Variants in MVB12B observed in about 807,000 individuals in gnomAD.
MVB12B encodes ESCRT-I complex subunit MVB12B.
In MVB12B, 16 loss-of-function variants were observed where a neutral mutation model predicts 41.6. That is an observed-to-expected ratio of 0.38 (90% confidence interval 0.26 to 0.58). MVB12B has a LOEUF of 0.58. Ranked by LOEUF, MVB12B falls within the 20% of genes least tolerant of loss-of-function variation. The pLI is 0.62. For synonymous variants in MVB12B, 133 were observed against 139.7 expected (o/e 0.95, Z 0.34); for missense variants, 274 against 380.2 (o/e 0.72, Z 2.32).
chr9:126,487,529 G>A (rs1251421084), intron 9 of MVB12B, among the ~76,000 whole-genome samples: 1 of 152,228 alleles, frequency 6.6e-6, no homozygotes, highest in African/African-American at 2.4e-5. Flanking sequence ...GAAGGCTGAG[G>A]CAAGCAGATC....
chr9:126,363,090 G>T (rs1436344464), intron 2 of MVB12B, among the ~76,000 whole-genome samples: 3 of 152,058 alleles, frequency 2.0e-5, no homozygotes, highest in Non-Finnish European at 2.9e-5. Context: ...AGGAGGCTGA[G>T]GCAGGAGAGT....
chr9:126,445,687 G>T (rs557970736), intron 7 of MVB12B, among the ~76,000 whole-genome samples: 2 of 152,116 alleles, frequency 1.3e-5, no homozygotes, highest in East Asian at 1.9e-4. Flanking sequence ...AGAGATGGGG[G>T]TTCTCACTGT....
intron 7 of MVB12B, 68 bp downstream of exon 7, chr9:126,422,016 T>C: frequency 9.2e-7 from 1 of 1,089,702 alleles, no homozygotes; most frequent in Admixed American, 1.7e-5. Flanking sequence ...CTTCCACACG[T>C]TCTCTGTCTT....
intron 2 of MVB12B, among the ~76,000 whole-genome samples, chr9:126,363,020 C>T (rs1357727029): frequency 6.6e-6 from 1 of 152,062 alleles, no homozygotes; most frequent in Non-Finnish European, 1.5e-5. Flanking sequence ...AACCCCGTCT[C>T]TACTAAAAAT....
At chr9:126,375,180 A>G (rs1196284394) in intron 2 of MVB12B, among the ~76,000 whole-genome samples, 1 of 152,286 alleles carries the variant, frequency 6.6e-6, no homozygotes, top group East Asian at 1.9e-4. Flanking sequence ...CATAGATTAC[A>G]ATGCAGACAT....
At chr9:126,334,012 C>T (rs1829208261) in intron 1 of MVB12B, among the ~76,000 whole-genome samples, 1 of 152,212 alleles carries the variant, frequency 6.6e-6, no homozygotes, top group Non-Finnish European at 1.5e-5. Flanking sequence ...CTCAGGCCTA[C>T]TGCATCAGTA....
intron 2 of MVB12B, among the ~76,000 whole-genome samples, chr9:126,341,124 C>T (rs2118824587): frequency 6.6e-6 from 1 of 152,304 alleles, no homozygotes; most frequent in Non-Finnish European, 1.5e-5. Flanking sequence ...AACCCACGCT[C>T]TGAGAAGTCA....
At position 126,395,992 on chromosome 9, in the gene MVB12B, C is replaced by T; in HGVS notation, c.662+295C>T. 6.6e-6 allele frequency: 8 copies of T among 1,204,256 alleles called. No homozygotes were observed. The highest frequency in any genetic ancestry group is 3.1e-6 in the Non-Finnish European group (3 of 964,332). The allele number at this position is 1,204,256 out of a possible 1,614,324, so 74.6% of individuals were successfully genotyped here. A position where few individuals can be genotyped will look rare whatever the true frequency, so the allele number is the denominator to read the frequency against. ...AAAAGAGCTGCTAGCTACACACAGACACGTGCTGTATAGCCATGGGGTTGG... is the reference window on the plus strand; with the variant it reads ...AAAAGAGCTGCTAGCTACACACAGATACGTGCTGTATAGCCATGGGGTTGG... On this transcript the variant is annotated intron_variant, in intron 6 of 9. Coordinates refer to ENST00000361171, the MANE Select transcript of MVB12B (RefSeq NM_033446.3). The surrounding 1 kb of genome is among the most constrained non-coding windows in gnomAD (Gnocchi z 4.9).
intron 6 of MVB12B, among the ~76,000 whole-genome samples, chr9:126,411,676 A>G (rs1831655640): frequency 6.6e-6 from 1 of 152,252 alleles, no homozygotes; most frequent in African/African-American, 2.4e-5. Flanking sequence ...ACCGTGACAA[A>G]TGATAGTAAA....
intron 7 of MVB12B, 25 bp from the exon 8 acceptor site, chr9:126,481,344 C>T (rs568142326): frequency 1.2e-6 from 2 of 1,603,702 alleles, no homozygotes; most frequent in South Asian, 1.1e-5. Context: ...CCTTTAATGC[C>T]ATCTTTTTTT....
chr9:126,448,687 A>G (rs1436076857), intron 7 of MVB12B, among the ~76,000 whole-genome samples: 2 of 152,068 alleles, frequency 1.3e-5, no homozygotes, highest in African/African-American at 4.8e-5. Context: ...AGCAAGAGAA[A>G]GAGAAGGGGG....
chr9:126,405,711 C>G (rs1588144862), intron 6 of MVB12B, among the ~76,000 whole-genome samples: 1 of 149,710 alleles, frequency 6.7e-6, no homozygotes, highest in Non-Finnish European at 1.5e-5. Context: ...CTTGCAGTTA[C>G]TTTTAAAAGG....
At chr9:126,421,273 G>T (rs1425839779) in intron 6 of MVB12B, among the ~76,000 whole-genome samples, 1 of 152,216 alleles carries the variant, frequency 6.6e-6, no homozygotes, top group South Asian at 2.1e-4. Flanking sequence ...AGCACCTACT[G>T]TGTGCGCTGC....
At chr9:126,485,573 T>G (rs143502483) in intron 9 of MVB12B, among the ~76,000 whole-genome samples, 1,047 of 57,552 alleles carry the variant, frequency 0.018, 12 homozygotes, top group Non-Finnish European at 0.027. Context: ...TCAGGGTACC[T>G]TCCACTGTGC....
chr9:126,435,658 CA>C (rs34798291), intron 7 of MVB12B, among the ~76,000 whole-genome samples: 1,771 of 124,980 alleles, frequency 0.014, 18 homozygotes, highest in East Asian at 0.051. Flanking sequence ...TTATTTTAGC[CA>C]AAAAAAAAAA....
In MVB12B at chr9:126,416,617, G is replaced by A. The variant is rs796182009; in HGVS notation, c.663-5237G>A. ...ATATACCCGATAGTGAAGCTGAATCGGGGTAACTCTAACATAGCGATAACC... is the reference window on the plus strand; with the variant it reads ...ATATACCCGATAGTGAAGCTGAATCAGGGTAACTCTAACATAGCGATAACC... On this transcript the variant is annotated intron_variant, in intron 6 of 9. Transcript: ENST00000361171. Among the ~76,000 whole-genome samples, 6 of 152,144 alleles carry A rather than the reference G, an allele frequency of 3.9e-5. No individual in the cohort carries two copies. In the East Asian group the frequency reaches 1.2e-3, roughly 29 times the overall value.
intron 2 of MVB12B, among the ~76,000 whole-genome samples, chr9:126,365,890 A>G (rs1830167416): frequency 6.6e-6 from 1 of 152,198 alleles, no homozygotes; most frequent in South Asian, 2.1e-4. Flanking sequence ...ACTTGCCTGC[A>G]TGGAATTTAC....
intron 9 of MVB12B, among the ~76,000 whole-genome samples, chr9:126,488,303 G>C (rs889000979): frequency 6.9e-6 from 1 of 144,962 alleles, no homozygotes; most frequent in Admixed American, 7.1e-5. Context: ...CTCAGAATTT[G>C]CTTTGCTCAC....
At chr9:126,482,549 T>C (rs937435494) in intron 8 of MVB12B, among the ~76,000 whole-genome samples, 1 of 150,772 alleles carries the variant, frequency 6.6e-6, no homozygotes, top group Admixed American at 6.6e-5. Context: ...CGCCGTTCCC[T>C]GGGAGAGGCA....
Sources: allele counts gnomAD v4.1 joint callset (sites outside exome capture counted in the v4.1 genomes callset), GRCh38; gene constraint gnomAD v4.1.1; non-coding constraint Gnocchi (gnomAD v3.1); transcripts MANE v1.5; gene names NCBI Gene and HGNC (gene_info 2026-07-23, HGNC 2026-07-21).